Variants in ELOVL4 observed in about 807,000 individuals in gnomAD.
ELOVL4 encodes the protein ELOVL fatty acid elongase 4.
A neutral mutation model predicts 42.1 loss-of-function variants in ELOVL4; 18 were observed. The observed-to-expected ratio is 0.43, with a 90% CI of 0.30 to 0.63. The LOEUF (loss-of-function observed/expected upper bound fraction) is 0.63. ELOVL4 is among the 30% of genes least tolerant of loss of function. The pLI, the probability that ELOVL4 is intolerant of heterozygous loss-of-function variation, is 0.15. For synonymous variants in ELOVL4, 117 were observed against 127.0 expected, an observed-to-expected ratio of 0.92 and a Z score of 0.53; for missense variants, 299 against 376.2, an observed-to-expected ratio of 0.79 and a Z score of 1.70.
chr6:79,916,819 T>G lies in ELOVL4; in HGVS notation c.734A>C (p.Lys245Thr). Reference sequence around the variant, plus strand: ...GGCAATTAGAGCCCAGTGCATCCATTTGGGGAAGGGGCAGTCAGTGTAAAG... The same window carrying G: ...GGCAATTAGAGCCCAGTGCATCCATGTGGGGAAGGGGCAGTCAGTGTAAAG... Reference protein sequence around the residue: ...LSLYTDCPFPKWMHWALIAYA... With the variant: ...LSLYTDCPFPTWMHWALIAYA... The change falls in exon 6 of 6, where the codon AAA (lysine) becomes ACA (threonine). Residue 245 changes from lysine (K) to threonine (T), a missense_variant. Physicochemically the swap from Lys to Thr is moderately conservative, Grantham distance 78. Transcript: ENST00000369816. The G allele has an allele frequency of 1.2e-6, 2 of 1,614,134 alleles. No homozygotes were observed. The highest frequency in any genetic ancestry group is 4.5e-5 in the East Asian group (2 of 44,878).
intron 1 of ELOVL4, among the ~76,000 whole-genome samples, chr6:79,945,056 A>C (rs1164251523): frequency 2.0e-5 from 3 of 151,326 alleles, no homozygotes; most frequent in Non-Finnish European, 4.4e-5. Flanking sequence ...CGTAAATGGG[A>C]CACCACAGAC....
intron 1 of ELOVL4, among the ~76,000 whole-genome samples, chr6:79,932,366 C>A (rs189200722): frequency 6.6e-6 from 1 of 151,968 alleles, no homozygotes; most frequent in South Asian, 2.1e-4. Flanking sequence ...CATGGTGAAA[C>A]CCTGTCTCTA....
At position 79,924,427 on chromosome 6, in the gene ELOVL4, T is replaced by C. The variant is rs143759901; in HGVS notation, c.369+525A>G. ...TAGTAATTCAATGCATATTCACTCA[T>C]GCTGCAAAATAAAAAACATTTTTGA... On this transcript the variant is annotated intron_variant, in intron 3 of 5. Coordinates refer to ENST00000369816, the MANE Select transcript of ELOVL4 (RefSeq NM_022726.4). Among the ~76,000 whole-genome samples, 242 of 152,318 alleles carry C rather than the reference T, an allele frequency of 1.6e-3. 1 individual carries two copies. The highest frequency in any genetic ancestry group is 4.9e-3 in the African/African-American group (202 of 41,590).
chr6:79,947,303 G>A lies in ELOVL4; in HGVS notation c.-24C>T, dbSNP rs996816641. The stretch of plus-strand genomic sequence containing the variant: ...ATCGCGGCGATGAGCGGGCGCTGGC[G>A]GCAGGAGAAAGCGGAGACCCAGAGA... On this transcript the variant is annotated 5_prime_UTR_variant, in exon 1 of 6. Transcript: ENST00000369816. The A allele has an allele frequency of 6.3e-7, 1 of 1,588,684 alleles. No individual in the cohort carries two copies. The highest frequency in any genetic ancestry group is 8.6e-7 in the Non-Finnish European group (1 of 1,160,948).
At chr6:79,937,743 A>G (rs1774570708) in intron 1 of ELOVL4, among the ~76,000 whole-genome samples, 1 of 152,230 alleles carries the variant, frequency 6.6e-6, no homozygotes, top group Non-Finnish European at 1.5e-5. Context: ...TCTTGATCCT[A>G]TTCCAACTCT....
At position 79,946,547 on chromosome 6, in the gene ELOVL4, T is replaced by A. The variant is rs185887165; in HGVS notation, c.100+633A>T. ...TGCACTGCAGTGCGCAAAGCCATTA[T>A]AGACAATCACTTCAAACATATTTGC... On this transcript the variant is annotated intron_variant, in intron 1 of 5. Transcript: ENST00000369816. 8.6e-4 allele frequency among the ~76,000 whole-genome samples: 131 copies of A among 152,348 alleles called. No individual in the cohort carries two copies. In the East Asian group the frequency reaches 0.02, roughly 23 times the overall value.
intron 1 of ELOVL4, among the ~76,000 whole-genome samples, chr6:79,939,503 CTTTA>C (rs70977795): frequency 0.038 from 5,538 of 145,488 alleles, 147 homozygotes; most frequent in Middle Eastern, 0.059. Flanking sequence ...AATTTGACTA[CTTTA>C]TTTATTTATT....
Position 79,916,495 on chromosome 6 carries a change from C to G in ELOVL4, c.*113G>C. 8.3e-7 allele frequency: 1 copy of G among 1,201,762 alleles called. No homozygotes were observed. The allele number at this position is 1,201,762 out of a possible 1,614,324, so 74.4% of individuals were successfully genotyped here. On this transcript the variant is annotated 3_prime_UTR_variant, in exon 6 of 6. Transcript: ENST00000369816. ...CTAAGAGTTACTAGGACATAGAGCA[C>G]ATTTGTCTTTTCTCCCCACCCCCAA... is the stretch of plus-strand genomic sequence containing the variant.
At chr6:79,932,253 T>C (rs190932524) in intron 1 of ELOVL4, among the ~76,000 whole-genome samples, 21 of 152,132 alleles carry the variant, frequency 1.4e-4, no homozygotes, top group Admixed American at 3.3e-4. Context: ...TTATAAAAAA[T>C]GAGGGGGCCG....
chr6:79,923,142 T>C (rs1774286210), intron 3 of ELOVL4, among the ~76,000 whole-genome samples: 1 of 152,218 alleles, frequency 6.6e-6, no homozygotes, highest in Non-Finnish European at 1.5e-5. Context: ...CTGCTTAGTT[T>C]GCAAACTGCA....
Position 79,915,238 on chromosome 6 carries a change from T to C in ELOVL4, c.*1370A>G, listed in dbSNP as rs1774137631. ...AAAAATTAACCTATGTAGTAAAACA[T>C]GATACAAATTCTTTCCTACTTTATT... On this transcript the variant is annotated 3_prime_UTR_variant, in exon 6 of 6. Coordinates refer to ENST00000369816, the MANE Select transcript of ELOVL4 (RefSeq NM_022726.4). 1 of 152,514 alleles carries C rather than the reference T, an allele frequency of 6.6e-6. No homozygotes were observed. Among genetic ancestry groups the C allele is most frequent in the African/African-American group, 2.4e-5 (1 of 41,448 alleles). The allele number at this position is 152,514 out of a possible 1,614,324, so 9.4% of individuals were successfully genotyped here. A position where few individuals can be genotyped will look rare whatever the true frequency, so the allele number is the denominator to read the frequency against.
chr6:79,928,052 T>TAAAGGCCCC (rs1461190184), intron 1 of ELOVL4, among the ~76,000 whole-genome samples: 1 of 152,166 alleles, frequency 6.6e-6, no homozygotes, highest in Non-Finnish European at 1.5e-5. Context: ...CTTTCTATGC[T>TAAAGGCCCC]AAAGGCCCCC....
Position 79,919,421 on chromosome 6 carries a change from A to T in ELOVL4, c.668T>A (p.Leu223Gln). The T allele has an allele frequency of 6.2e-7, 1 of 1,613,678 alleles. No individual in the cohort carries two copies. Among genetic ancestry groups the T allele is most frequent in the East Asian group, 2.2e-5 (1 of 44,790 alleles). The change falls in exon 5 of 6, where the codon CTG (leucine) becomes CAG (glutamine). Residue 223 changes from leucine (L) to glutamine (Q), a missense_variant and splice_region_variant. Leu to Gln is a moderately radical substitution (Grantham distance 113). Transcript: ENST00000369816. The part of the protein sequence containing the change: ...WWKRYLTMLQ[L>Q]IQFHVTIGHT... ...AAACTTTGGAAGCATTTAACTCACC[A>T]GTTGCAACATAGTCAGGTATCGTTT...
chr6:79,936,963 T>C (rs1247508992), intron 1 of ELOVL4, among the ~76,000 whole-genome samples: 2 of 152,072 alleles, frequency 1.3e-5, no homozygotes, highest in Non-Finnish European at 2.9e-5. Flanking sequence ...AAAAAGAGGA[T>C]GGAAGGTTTG....
rs1381031545 is a variant in ELOVL4 at position 79,919,306 on chromosome 6, TAA to T, written c.669+112_669+113del. On this transcript the variant is annotated intron_variant, in intron 5 of 5. Coordinates refer to ENST00000369816, the MANE Select transcript of ELOVL4 (RefSeq NM_022726.4). ...GCATAACTGCGATATAGCTGGAGGA[TAA>T]AGTTAATTTCATAATAGAAAATTGT... The T allele has an allele frequency of 1.4e-5, 18 of 1,243,868 alleles. No homozygotes were observed. In the Middle Eastern group the frequency reaches 1.1e-3, roughly 77 times the overall value. The allele number at this position is 1,243,868 out of a possible 1,614,324, so 77.1% of individuals were successfully genotyped here.
chr6:79,935,763 G>C (rs539485640), intron 1 of ELOVL4, among the ~76,000 whole-genome samples: 3 of 152,140 alleles, frequency 2.0e-5, no homozygotes, highest in African/African-American at 7.2e-5. Context: ...TCTAGCATTT[G>C]ATTTTTACAT....
Position 79,924,896 on chromosome 6 carries a change from G to A in ELOVL4, c.369+56C>T, listed in dbSNP as rs343626. ...GTACATTCTATATTTTCACAGACTG[G>A]GGCCTATAAAAATCAAACCACTTTT... On this transcript the variant is annotated intron_variant, in intron 3 of 5. Transcript: ENST00000369816. The A allele has an allele frequency of 0.018, 18,796 of 1,020,406 alleles. 2,047 individuals are homozygous for A. The African/African-American group carries it at 0.25, about 14-fold the overall frequency. 63.2% of individuals were successfully genotyped at this position (1,020,406 alleles called of 1,614,324 possible). A position where few individuals can be genotyped will look rare whatever the true frequency, so the allele number is the denominator to read the frequency against.
At position 79,916,711 on chromosome 6, in the gene ELOVL4, G is replaced by A; in HGVS notation, c.842C>T (p.Thr281Ile). Residue 281 changes from threonine to isoleucine, a missense_variant, in exon 6 of 6, where the codon ACA becomes ATA. Transcript: ENST00000369816. Reference sequence around the variant, plus strand: ...ATTTGCTGAAATACCATTCATGGCTGTTTTTCCAGCTTTTGGTTTCTTAGG... The same window carrying A: ...ATTTGCTGAAATACCATTCATGGCTATTTTTCCAGCTTTTGGTTTCTTAGG... Reference protein sequence around the residue: ...KEPKKPKAGKTAMNGISANGV... With the variant: ...KEPKKPKAGKIAMNGISANGV... 1 of 1,614,118 alleles carries A rather than the reference G, an allele frequency of 6.2e-7. No homozygotes were observed. Among genetic ancestry groups the A allele is most frequent in the Non-Finnish European group, 8.5e-7 (1 of 1,180,022 alleles).
rs1774344408 is a variant in ELOVL4, at chr6:79,926,387, G to C, written c.101-6C>G. 1 of 1,612,738 alleles carries C rather than the reference G, an allele frequency of 6.2e-7. No homozygotes were observed. The highest frequency in any genetic ancestry group is 8.5e-7 in the Non-Finnish European group (1 of 1,179,088). On this transcript the variant is annotated splice_region_variant and splice_polypyrimidine_tract_variant and intron_variant, in intron 1 of 5. Coordinates refer to ENST00000369816, the MANE Select transcript of ELOVL4 (RefSeq NM_022726.4). ...CCAATTTTCCACACGCTTATCTATA[G>C]AGAGAACAAAATACCATAAAATTCA...
Sources: gnomAD v4.1 joint callset for allele counts (sites outside exome capture counted in the v4.1 genomes callset) on GRCh38, gnomAD v4.1.1 for gene constraint, MANE v1.5 for transcripts, NCBI Gene and HGNC (gene_info 2026-07-23, HGNC 2026-07-21) for gene names.